PBK: variants seen among roughly 807,000 people sequenced by gnomAD.
PBK encodes the protein lymphokine-activated killer T-cell-originated protein kinase.
A neutral mutation model predicts 33.5 loss-of-function variants in PBK; 22 were observed. The observed-to-expected ratio is 0.66, with a 90% CI of 0.47 to 0.94. The LOEUF (loss-of-function observed/expected upper bound fraction) is 0.94. PBK is among the 40% of genes least tolerant of loss of function. The probability of loss-of-function intolerance (pLI) is 0.00; values close to 1 mark genes in which losing one functional copy is unlikely to be tolerated. For missense variants in PBK, 376 were observed against 383.4 expected, an observed-to-expected ratio of 0.98 and a Z score of 0.16; for synonymous variants, 129 against 123.8, an observed-to-expected ratio of 1.04 and a Z score of -0.28.
At chr8:27,810,923 G>A (rs762966486) in intron 7 of PBK, 35 bp downstream of exon 7, 16 of 1,265,308 alleles carry the variant, frequency 1.3e-5, no homozygotes, top group Non-Finnish European at 1.8e-5. Flanking sequence ...GTGAAATGAA[G>A]AGATTGGGAT....
intron 4 of PBK, 94 bp downstream of exon 4, chr8:27,822,969 C>T (rs1805957665): frequency 2.6e-6 from 2 of 782,632 alleles, no homozygotes. Context: ...CCATCCTCTT[C>T]ATTTCTATTA....
intron 3 of PBK, among the ~76,000 whole-genome samples, chr8:27,823,700 T>C (rs941760892): frequency 8.6e-5 from 13 of 152,036 alleles, no homozygotes; most frequent in African/African-American, 2.9e-4. Flanking sequence ...ACCTTATACC[T>C]TTTACCACAT....
At chr8:27,835,087 C>T (rs537544577) in intron 1 of PBK, among the ~76,000 whole-genome samples, 169 of 151,964 alleles carry the variant, frequency 1.1e-3, no homozygotes, top group Non-Finnish European at 1.9e-3. Flanking sequence ...TGTCTATAAG[C>T]TCATTTGTCT....
chr8:27,820,831 T>G, intron 5 of PBK, 137 bp from the exon 6 acceptor site: 1 of 508,168 alleles, frequency 2.0e-6, no homozygotes, highest in Non-Finnish European at 3.3e-6. Context: ...AAAATTTTTT[T>G]TTTTTTTTTT....
chr8:27,830,450 A>C (rs1489203692), intron 2 of PBK, among the ~76,000 whole-genome samples: 2 of 152,188 alleles, frequency 1.3e-5, no homozygotes, highest in Non-Finnish European at 2.9e-5. Context: ...AGAGAGAAAA[A>C]GGTTAGAAAA....
At chr8:27,835,634 C>T (rs550478380) in intron 1 of PBK, among the ~76,000 whole-genome samples, 1 of 152,152 alleles carries the variant, frequency 6.6e-6, no homozygotes, top group East Asian at 1.9e-4. Flanking sequence ...TCACTGCAAC[C>T]TCTGCCTCCC....
Position 27,810,413 on chromosome 8 carries a change from A to G in PBK, c.861T>C (p.Asp287=). Residue 287 remains aspartate (D), a synonymous_variant, in exon 8 of 8, where the codon GAT becomes GAC. Transcript: ENST00000301905. ...GTTCAATTACTTTCTGGTATGATTCATCCAGTTCTTCCATATTAATAGGTG... is the reference window on the plus strand; with the variant it reads ...GTTCAATTACTTTCTGGTATGATTCGTCCAGTTCTTCCATATTAATAGGTG... ...TRPPINMEEL[D]ESYQKVIELF... 1.9e-6 allele frequency: 3 copies of G among 1,604,682 alleles called. No homozygotes were observed. Among genetic ancestry groups the G allele is most frequent in the Non-Finnish European group, 2.6e-6 (3 of 1,171,402 alleles).
Position 27,811,011 on chromosome 8 carries a change from A to G in PBK, c.719T>C (p.Met240Thr). 6.2e-7 allele frequency: 1 copy of G among 1,612,340 alleles called. No individual in the cohort carries two copies. Among genetic ancestry groups the G allele is most frequent in the Non-Finnish European group, 8.5e-7 (1 of 1,178,398 alleles). Reference sequence around the variant, plus strand: ...AATGTGTGGAATCGATAAAGTCATCATTTCCCACAAAGTAAGGCCAAAGGC... The same window carrying G: ...AATGTGTGGAATCGATAAAGTCATCGTTTCCCACAAAGTAAGGCCAAAGGC... ...IFAFGLTLWE[M>T]MTLSIPHINL... The change falls in exon 7 of 8, where the codon ATG (methionine) becomes ACG (threonine). Residue 240 changes from methionine to threonine, a missense_variant. Coordinates refer to ENST00000301905, the MANE Select transcript of PBK (RefSeq NM_018492.4).
At chr8:27,825,717 TCC>T (rs1806012495) in intron 3 of PBK, among the ~76,000 whole-genome samples, 1 of 152,118 alleles carries the variant, frequency 6.6e-6, no homozygotes, top group Admixed American at 6.5e-5. Flanking sequence ...TTTCTAGCAC[TCC>T]AAGAGACTAA....
intron 1 of PBK, among the ~76,000 whole-genome samples, chr8:27,833,628 C>T (rs1806173403): frequency 6.6e-6 from 1 of 151,726 alleles, no homozygotes; most frequent in African/African-American, 2.4e-5. Flanking sequence ...AAACTAAAAC[C>T]AAAAAGTACA....
chr8:27,821,453 G>A (rs993192779), intron 5 of PBK, among the ~76,000 whole-genome samples: 2 of 151,568 alleles, frequency 1.3e-5, no homozygotes, highest in African/African-American at 4.8e-5. Flanking sequence ...GTAGAGATGG[G>A]GTTTCACTAT....
At chr8:27,811,220 A>T in intron 6 of PBK, 86 bp from the exon 7 acceptor site, 1 of 1,116,454 alleles carries the variant, frequency 9.0e-7, no homozygotes. Flanking sequence ...GAACGATTTG[A>T]ACAAGTAGTT....
At chr8:27,828,020 G>T in intron 3 of PBK, 85 bp downstream of exon 3, 1 of 699,346 alleles carries the variant, frequency 1.4e-6, no homozygotes, top group Non-Finnish European at 2.6e-6. Context: ...TCTAAATACT[G>T]GAATTTTCAG....
At chr8:27,824,868 A>G (rs577596622) in intron 3 of PBK, among the ~76,000 whole-genome samples, 2 of 152,372 alleles carry the variant, frequency 1.3e-5, no homozygotes, top group South Asian at 4.1e-4. Context: ...TTTATTTAAA[A>G]ATACTACATC....
At chr8:27,824,964 A>C (rs190773923) in intron 3 of PBK, among the ~76,000 whole-genome samples, 1 of 152,238 alleles carries the variant, frequency 6.6e-6, no homozygotes, top group Admixed American at 6.5e-5. Context: ...TAGCTTAAAC[A>C]TACACATTGT....
At chr8:27,811,237 T>G in intron 6 of PBK, 103 bp from the exon 7 acceptor site, 1 of 926,300 alleles carries the variant, frequency 1.1e-6, no homozygotes, top group Non-Finnish European at 1.7e-6. Context: ...AGTTCACAGG[T>G]TAATCAGTGT....
intron 6 of PBK, among the ~76,000 whole-genome samples, chr8:27,816,355 A>ATATATATATATATATATATATATATATT (rs1024094999): frequency 7.1e-6 from 1 of 140,942 alleles, no homozygotes; most frequent in African/African-American, 2.7e-5. Flanking sequence ...ATATATATAT[A>ATATATATATATATATATATATATATATT]TATTTATTTA....
chr8:27,820,329 T>TAAC (rs1337556237), intron 6 of PBK, among the ~76,000 whole-genome samples: 1 of 152,138 alleles, frequency 6.6e-6, no homozygotes, highest in East Asian at 1.9e-4. Flanking sequence ...TTCCCAAAGA[T>TAAC]AACTCCAGTT....
chr8:27,826,996 A>G (rs143108758), intron 3 of PBK, among the ~76,000 whole-genome samples: 155 of 152,306 alleles, frequency 1.0e-3, no homozygotes, highest in African/African-American at 3.6e-3. Context: ...AAACAATACC[A>G]TACAAACATA....
Sources: allele counts gnomAD v4.1 joint callset (sites outside exome capture counted in the v4.1 genomes callset), GRCh38; gene constraint gnomAD v4.1.1; transcripts MANE v1.5; gene names NCBI Gene and HGNC (gene_info 2026-07-23, HGNC 2026-07-21).